Variants in NRG1 observed in about 807,000 individuals in gnomAD.
NRG1 encodes neuregulin 1.
NRG1 carries 18 observed loss-of-function variants against 63.8 expected under a neutral mutation model. The observed-to-expected ratio is 0.28, with a 90% CI of 0.19 to 0.42. The LOEUF (loss-of-function observed/expected upper bound fraction) is 0.42, where lower values mean the gene tolerates loss of function less well. Ranked by LOEUF, NRG1 falls within the 10% of genes least tolerant of loss-of-function variation. NRG1 has a pLI of 1.00. For missense variants in NRG1, 762 were observed against 814.7 expected (o/e 0.94, Z 0.79); for synonymous variants, 302 against 301.3 (o/e 1.00, Z -0.02).
At chr8:32,740,611 T>G (rs769391095) in intron 6 of NRG1, among the ~76,000 whole-genome samples, 1 of 152,086 alleles carries the variant, frequency 6.6e-6, no homozygotes, top group Admixed American at 6.6e-5. Flanking sequence ...TTTCCAAGAG[T>G]TTGAAAGAGC....
At chr8:31,659,642 C>T (rs1805776079) in intron 1 of NRG1, among the ~76,000 whole-genome samples, 1 of 152,100 alleles carries the variant, frequency 6.6e-6, no homozygotes, top group Admixed American at 6.6e-5. Flanking sequence ...AAAAACAAAA[C>T]AAACTCCCCA....
At chr8:32,011,211 T>C (rs1012713562) in intron 1 of NRG1, among the ~76,000 whole-genome samples, 1 of 151,970 alleles carries the variant, frequency 6.6e-6, no homozygotes, top group African/African-American at 2.4e-5. Context: ...CATGAACTTG[T>C]TTTCTTTTGC....
chr8:32,712,733 T>C (rs1404389885), intron 5 of NRG1, among the ~76,000 whole-genome samples: 2 of 152,186 alleles, frequency 1.3e-5, no homozygotes, highest in Non-Finnish European at 2.9e-5. Flanking sequence ...AGGGTAGTTA[T>C]GGTTAAGATT....
At chr8:31,779,707 G>A (rs1437014748) in intron 1 of NRG1, among the ~76,000 whole-genome samples, 3 of 152,176 alleles carry the variant, frequency 2.0e-5, no homozygotes, top group Non-Finnish European at 2.9e-5. Flanking sequence ...GGAAATAGAA[G>A]CTGATAAGGA....
At chr8:31,934,753 C>T (rs1835162741) in intron 1 of NRG1, among the ~76,000 whole-genome samples, 1 of 152,080 alleles carries the variant, frequency 6.6e-6, no homozygotes. Context: ...TTCTATCTAT[C>T]TACTTATCTA....
chr8:32,227,700 C>A (rs564539748), intron 1 of NRG1, among the ~76,000 whole-genome samples: 5 of 152,216 alleles, frequency 3.3e-5, no homozygotes, highest in African/African-American at 1.2e-4. Flanking sequence ...CGTCTTTCTC[C>A]CCAGGGGAGA....
At chr8:32,000,361 T>G (rs1005592419) in intron 1 of NRG1, among the ~76,000 whole-genome samples, 1 of 152,026 alleles carries the variant, frequency 6.6e-6, no homozygotes, top group South Asian at 2.1e-4. Flanking sequence ...CCTCAACATC[T>G]TCACCTTGTT....
At chr8:31,882,059 A>G (rs1211105367) in intron 1 of NRG1, among the ~76,000 whole-genome samples, 1 of 152,150 alleles carries the variant, frequency 6.6e-6, no homozygotes, top group Non-Finnish European at 1.5e-5. Flanking sequence ...AGAAGATGCC[A>G]TCTTGGCTTT....
chr8:31,782,379 G>C (rs4733098), intron 1 of NRG1, among the ~76,000 whole-genome samples: 113,777 of 151,932 alleles, frequency 0.75, 43,082 homozygotes, highest in East Asian at 0.99. Flanking sequence ...CACCAGCATT[G>C]CCTATCACCC....
At position 31,929,615 on chromosome 8, in the gene NRG1, T is replaced by C. The variant is rs1194660318; in HGVS notation, c.37+290184T>C. Among the ~76,000 whole-genome samples, 3 of 152,308 alleles carry C rather than the reference T, an allele frequency of 2.0e-5. No homozygotes were observed. The East Asian group carries it at 5.8e-4, about 29-fold the overall frequency. On this transcript the variant is annotated intron_variant, in intron 1 of 10. Coordinates refer to the NRG1 transcript ENST00000519301. ...ATTTATTTGACTGTTTTCTTATTGTTGGATTATTTTGTTTCATAAATAACA... is the reference window on the plus strand; with the variant it reads ...ATTTATTTGACTGTTTTCTTATTGTCGGATTATTTTGTTTCATAAATAACA...
chr8:32,488,015 G>A (rs1297528157), intron 1 of NRG1, among the ~76,000 whole-genome samples: 1 of 152,150 alleles, frequency 6.6e-6, no homozygotes, highest in African/African-American at 2.4e-5. Flanking sequence ...GGAGACTGTG[G>A]TTTCTTAGAG....
chr8:32,620,409 G>A (rs964819354), intron 5 of NRG1, among the ~76,000 whole-genome samples: 1 of 151,828 alleles, frequency 6.6e-6, no homozygotes, highest in African/African-American at 2.4e-5. Context: ...TTGGGGGTCA[G>A]TGTAAGACAG....
At chr8:31,803,056 G>A (rs75025420) in intron 1 of NRG1, among the ~76,000 whole-genome samples, 1,715 of 152,246 alleles carry the variant, frequency 0.011, 19 homozygotes, top group Non-Finnish European at 0.016. Flanking sequence ...ATTTGAGAGC[G>A]TTCATGAGTG....
intron 1 of NRG1, among the ~76,000 whole-genome samples, chr8:32,164,076 C>G (rs922000108): frequency 7.2e-5 from 11 of 152,152 alleles, no homozygotes; most frequent in African/African-American, 2.4e-4. Context: ...TGTTCTCTCT[C>G]TTTTCCCCTC....
intron 1 of NRG1, among the ~76,000 whole-genome samples, chr8:31,883,914 C>T (rs1011870356): frequency 1.3e-5 from 2 of 152,088 alleles, no homozygotes; most frequent in African/African-American, 2.4e-5. Context: ...TTGGTTGGCA[C>T]TTAGAATATT....
chr8:32,314,458 T>C (rs1174757005), intron 1 of NRG1, among the ~76,000 whole-genome samples: 8 of 151,988 alleles, frequency 5.3e-5, no homozygotes, highest in Admixed American at 2.6e-4. Context: ...GAAGACTAAG[T>C]AGACGTGCTA....
At chr8:32,523,833 G>GCTCTGTCTCTGAATCA (rs2129507844) in intron 1 of NRG1, among the ~76,000 whole-genome samples, 1 of 152,060 alleles carries the variant, frequency 6.6e-6, no homozygotes, top group African/African-American at 2.4e-5. Context: ...ACAGAGTGAG[G>GCTCTGTCTCTGAATCA]CTCTGTCTCT....
intron 1 of NRG1, among the ~76,000 whole-genome samples, chr8:32,448,531 G>A (rs1196587797): frequency 6.6e-6 from 1 of 152,162 alleles, no homozygotes; most frequent in African/African-American, 2.4e-5. Context: ...AAGTCTTTGA[G>A]TTGTTTTCTT....
intron 1 of NRG1, among the ~76,000 whole-genome samples, chr8:32,288,289 G>A (rs1853781686): frequency 6.6e-6 from 1 of 152,162 alleles, no homozygotes; most frequent in Non-Finnish European, 1.5e-5. Flanking sequence ...TTATACAAAT[G>A]TGGCTGATTT....
Sources: gnomAD v4.1 joint callset for allele counts (sites outside exome capture counted in the v4.1 genomes callset) on GRCh38, gnomAD v4.1.1 for gene constraint, MANE v1.5 for transcripts, NCBI Gene and HGNC (gene_info 2026-07-23, HGNC 2026-07-21) for gene names.